Variants in HPS4 observed in about 807,000 individuals in gnomAD.
The protein encoded by HPS4 is BLOC-3 complex member HPS4.
HPS4 carries 44 observed loss-of-function variants against 70.3 expected under a neutral mutation model. The observed-to-expected ratio is 0.63, with a 90% confidence interval of 0.49 to 0.80. HPS4 has a LOEUF of 0.80. HPS4 is among the 30% of genes least tolerant of loss of function. The probability of loss-of-function intolerance (pLI) is 0.00; values close to 1 mark genes in which losing one functional copy is unlikely to be tolerated. For synonymous variants in HPS4, 377 were observed against 355.9 expected, an observed-to-expected ratio of 1.06 and a Z score of -0.67; for missense variants, 873 against 884.4, an observed-to-expected ratio of 0.99 and a Z score of 0.16.
chr22:26,454,930 C>T (rs2085829891), intron 13 of HPS4, among the ~76,000 whole-genome samples: 1 of 152,018 alleles, frequency 6.6e-6, no homozygotes. Flanking sequence ...AGGATATGAA[C>T]AGACACTTCT....
intron 13 of HPS4, among the ~76,000 whole-genome samples, chr22:26,455,409 A>C (rs2146290978): frequency 6.6e-6 from 1 of 152,044 alleles, no homozygotes; most frequent in South Asian, 2.1e-4. Flanking sequence ...GCCATAAAAA[A>C]TGATGAGTTC....
In HPS4 at chr22:26,479,375, G is replaced by C. The variant is rs540882527; in HGVS notation, c.42-20C>G. The C allele has an allele frequency of 6.2e-7, 1 of 1,613,088 alleles. No homozygotes were observed. The highest frequency in any genetic ancestry group is 2.2e-5 in the East Asian group (1 of 44,854). Reference sequence around the variant, plus strand: ...TTCCACCTGGCAAGAGAACAGAGTGGAGCCATGTTTCCTTTAATCCAGTGA... The same window carrying C: ...TTCCACCTGGCAAGAGAACAGAGTGCAGCCATGTTTCCTTTAATCCAGTGA... On this transcript the variant is annotated intron_variant, in intron 2 of 13. Transcript: ENST00000398145.
chr22:26,445,160 G>A (rs2084910841), intron 3 of HPS4: 1 of 152,358 alleles, frequency 6.6e-6, no homozygotes, highest in Non-Finnish European at 1.5e-5. Context: ...ATATAGTGAG[G>A]CGTTGTCTCT....
At chr22:26,454,757 T>G (rs2085789175) in intron 13 of HPS4, among the ~76,000 whole-genome samples, 1 of 152,220 alleles carries the variant, frequency 6.6e-6, no homozygotes, top group Non-Finnish European at 1.5e-5. Context: ...AAAGAGCTTC[T>G]GCACAGCAAA....
chr22:26,457,096 T>C (rs938235622), intron 13 of HPS4, among the ~76,000 whole-genome samples: 3 of 151,826 alleles, frequency 2.0e-5, no homozygotes, highest in Non-Finnish European at 4.4e-5. Context: ...GAGCAATATA[T>C]ACCAAACTGT....
chr22:26,479,662 A>T, intron 2 of HPS4: 1 of 1,236,582 alleles, frequency 8.1e-7, no homozygotes, highest in Non-Finnish European at 1.0e-6. Flanking sequence ...CTGAACCTTA[A>T]CTATACAACC....
intron 2 of HPS4, among the ~76,000 whole-genome samples, chr22:26,480,567 T>A (rs951056031): frequency 1.2e-4 from 19 of 152,082 alleles, no homozygotes; most frequent in Non-Finnish European, 2.5e-4. Flanking sequence ...CTTCCCTGGA[T>A]CTATGCCCTC....
chr22:26,468,729 T>C (rs2089212070), intron 7 of HPS4, 106 bp from the exon 8 acceptor site: 1 of 1,050,976 alleles, frequency 9.5e-7, no homozygotes, highest in Non-Finnish European at 1.5e-6. Flanking sequence ...TCTTGGGGAC[T>C]TGGCTGGTGG....
At chr22:26,449,604 T>C (rs2085072964), downstream of HPS4, among the ~76,000 whole-genome samples, 1 of 151,962 alleles carries the variant, frequency 6.6e-6, no homozygotes, top group African/African-American at 2.4e-5. Flanking sequence ...GTGCTGGGAT[T>C]ATACAGGCGT....
Position 26,458,429 on chromosome 22 carries a change from C to G in HPS4, c.1846+16G>C. On this transcript the variant is annotated intron_variant, in intron 12 of 13. Coordinates refer to ENST00000398145, the MANE Select transcript of HPS4 (RefSeq NM_022081.6). The stretch of plus-strand genomic sequence containing the variant: ...CTGGCATCCCCGTCGCCCCAGGCCC[C>G]TTGGCTGGTTCTTACCCATCAGCAA... 1 of 1,614,124 alleles carries G rather than the reference C, an allele frequency of 6.2e-7. No homozygotes were observed. Among genetic ancestry groups the G allele is most frequent in the South Asian group, 1.1e-5 (1 of 91,074 alleles).
downstream of HPS4, among the ~76,000 whole-genome samples, chr22:26,446,658 A>G (rs1212087744): frequency 6.6e-6 from 1 of 152,238 alleles, no homozygotes; most frequent in Non-Finnish European, 1.5e-5. Flanking sequence ...TGGACATTAA[A>G]GTCTGAGCTA....
intron 4 of HPS4, chr22:26,476,355 C>T (rs2090541982): frequency 7.0e-6 from 1 of 143,654 alleles, no homozygotes. Flanking sequence ...GATTTTTATT[C>T]TTTTTTTTTT....
Position 26,470,829 on chromosome 22 carries a change from G to C in HPS4, c.502-16C>G. Reference sequence around the variant, plus strand: ...GGGGCTCCACCTGTGCAGGGCAAGAGGCATCATGCCCACCCATCAGCATGC... The same window carrying C: ...GGGGCTCCACCTGTGCAGGGCAAGACGCATCATGCCCACCCATCAGCATGC... On this transcript the variant is annotated splice_polypyrimidine_tract_variant and intron_variant, in intron 6 of 13. Transcript: ENST00000398145. 1 of 1,613,956 alleles carries C rather than the reference G, an allele frequency of 6.2e-7. No individual in the cohort carries two copies.
At chr22:26,450,400 A>G (rs1478894487), downstream of HPS4, among the ~76,000 whole-genome samples, 9 of 152,210 alleles carry the variant, frequency 5.9e-5, no homozygotes, top group Non-Finnish European at 1.3e-4. Context: ...CCAAATATGC[A>G]AGACAGACAC....
chr22:26,464,562 C>A lies in HPS4; in HGVS notation c.1068G>T (p.Leu356=), dbSNP rs765186595. ...RGEVLGLSSS[L]GKELVFLQEE... is the part of the protein sequence containing the mutation. Reference sequence around the variant, plus strand: ...CTTGGAGAAAGACTAGTTCCTTCCCCAGGGAGGAGCTGAGGCCAAGAACCT... The same window carrying A: ...CTTGGAGAAAGACTAGTTCCTTCCCAAGGGAGGAGCTGAGGCCAAGAACCT... The change falls in exon 11 of 14, where the codon CTG becomes CTT. Residue 356 remains leucine (L), a synonymous_variant. Transcript: ENST00000398145. The A allele has an allele frequency of 6.2e-7, 1 of 1,614,196 alleles. No homozygotes were observed. Among genetic ancestry groups the A allele is most frequent in the Admixed American group, 1.7e-5 (1 of 60,030 alleles).
chr22:26,452,004 GCACACACACACACACACACACA>G lies in HPS4; in HGVS notation c.*1207_*1228del, dbSNP rs134978. The G allele has an allele frequency of 2.7e-4, 29 of 106,208 alleles. No homozygotes were observed. The highest frequency in any genetic ancestry group is 1.2e-3 in the South Asian group (5 of 4,316). 6.6% of individuals were successfully genotyped at this position (106,208 alleles called of 1,614,324 possible). ...CCACGTTACGCGCGCGCGCGCGCGC[GCACACACACACACACACACACA>G]CACACACACACACACACTGTCTTAA... On this transcript the variant is annotated 3_prime_UTR_variant, in exon 14 of 14. Transcript: ENST00000398145.
intron 2 of HPS4, chr22:26,479,806 T>G: frequency 2.1e-6 from 1 of 478,764 alleles, no homozygotes; most frequent in Non-Finnish European, 2.8e-6. Context: ...ATGCATTCAC[T>G]TAAACATTTA....
In HPS4 at chr22:26,451,482, A is replaced by T. The variant is rs987037390; in HGVS notation, c.*1751T>A. The T allele has an allele frequency of 6.2e-4, 95 of 152,340 alleles. No individual in the cohort carries two copies. The highest frequency in any genetic ancestry group is 2.1e-3 in the African/African-American group (89 of 41,574). 9.4% of individuals were successfully genotyped at this position (152,340 alleles called of 1,614,324 possible). A position where few individuals can be genotyped will look rare whatever the true frequency, so the allele number is the denominator to read the frequency against. The stretch of plus-strand genomic sequence containing the variant: ...AAGAAAGGGGCACACCTGCAAAGTG[A>T]AGTTTCAGGACTTTACTTTTTCTGA... On this transcript the variant is annotated 3_prime_UTR_variant, in exon 14 of 14. Transcript: ENST00000398145.
chr22:26,443,410 A>AT (rs35706917), downstream of HPS4: 22,553 of 408,830 alleles, frequency 0.055, no homozygotes, highest in South Asian at 0.087. Flanking sequence ...ATTTCCTTAG[A>AT]TTTTTTTTTT....
Sources: gnomAD v4.1 joint callset for allele counts (sites outside exome capture counted in the v4.1 genomes callset) on GRCh38, gnomAD v4.1.1 for gene constraint, MANE v1.5 for transcripts, NCBI Gene and HGNC (gene_info 2026-07-23, HGNC 2026-07-21) for gene names.